CEP112: variants seen among roughly 807,000 people sequenced by gnomAD.
CEP112 encodes the protein centrosomal protein of 112 kDa.
CEP112 carries 127 observed loss-of-function variants against 153.0 expected under a neutral mutation model. That is an observed-to-expected ratio of 0.83 (90% CI 0.72 to 0.96). The LOEUF is 0.96. Among genes scored for constraint, CEP112 ranks in the 40% least tolerant of loss-of-function variants. The probability of loss-of-function intolerance (pLI) is 0.00; values close to 1 mark genes in which losing one functional copy is unlikely to be tolerated. For missense variants in CEP112, 1,089 were observed against 1,101.2 expected (o/e 0.99, Z 0.16); for synonymous variants, 358 against 374.4 (o/e 0.96, Z 0.51).
chr17:65,811,367 A>T (rs2055941989), intron 21 of CEP112, among the ~76,000 whole-genome samples: 1 of 152,226 alleles, frequency 6.6e-6, no homozygotes, highest in Non-Finnish European at 1.5e-5. Flanking sequence ...TAAGTCCCAC[A>T]GGGCAAAAAA....
At chr17:66,029,747 TTTAGA>T (rs59163946) in intron 13 of CEP112, 117 bp downstream of exon 13, 732,600 of 773,832 alleles carry the variant, frequency 0.95, 347,857 homozygotes, top group East Asian at 0.99. Context: ...AACAGCAGTA[TTTAGA>T]TTAGAAACTT....
At position 65,682,651 on chromosome 17, in the gene CEP112, CTTT is replaced by C. The variant is rs59116324; in HGVS notation, c.2697+6475_2697+6477del. 5.0e-3 allele frequency among the ~76,000 whole-genome samples: 765 copies of C among 152,152 alleles called. 20 individuals carry two copies. The East Asian group carries it at 0.077, about 15-fold the overall frequency. Reference sequence around the variant, plus strand: ...CTCAGTAACAAATGATCCCTCTTCCCTTTTTTTAATGGATGAAATGAACAAAAC... The same window carrying C: ...CTCAGTAACAAATGATCCCTCTTCCCTTTTAATGGATGAAATGAACAAAAC... On this transcript the variant is annotated intron_variant, in intron 24 of 26. Transcript: ENST00000535342.
intron 8 of CEP112, among the ~76,000 whole-genome samples, chr17:66,090,020 G>C (rs932065606): frequency 1.3e-5 from 2 of 152,094 alleles, no homozygotes; most frequent in Non-Finnish European, 2.9e-5. Context: ...GAAAAGAGTA[G>C]GATGATATAT....
At chr17:66,079,947 G>C (rs574134187) in intron 8 of CEP112, among the ~76,000 whole-genome samples, 25 of 152,114 alleles carry the variant, frequency 1.6e-4, no homozygotes, top group Non-Finnish European at 2.8e-4. Context: ...GGGAAAACTG[G>C]CTAGCCATAG....
intron 24 of CEP112, among the ~76,000 whole-genome samples, chr17:65,685,621 A>G (rs1598307702): frequency 6.6e-6 from 1 of 151,606 alleles, no homozygotes; most frequent in East Asian, 1.9e-4. Context: ...TCCTTAGTAA[A>G]CTCATATTTA....
intron 24 of CEP112, among the ~76,000 whole-genome samples, chr17:65,649,717 C>CAAA (rs3077085): frequency 0.023 from 2,630 of 114,430 alleles, 74 homozygotes; most frequent in Non-Finnish European, 0.031. Context: ...GACCCTGTCT[C>CAAA]AAAAAAAAAA....
chr17:65,955,850 A>G (rs951574442), intron 18 of CEP112, among the ~76,000 whole-genome samples: 2 of 152,174 alleles, frequency 1.3e-5, no homozygotes, highest in African/African-American at 4.8e-5. Context: ...CAAATGTATA[A>G]AACAATTACT....
intron 20 of CEP112, among the ~76,000 whole-genome samples, chr17:65,881,245 C>A (rs2059060538): frequency 6.6e-6 from 1 of 152,006 alleles, no homozygotes; most frequent in Non-Finnish European, 1.5e-5. Context: ...CCAAACAAAC[C>A]CCCACAAAAA....
intron 21 of CEP112, among the ~76,000 whole-genome samples, chr17:65,800,515 T>C (rs1397058510): frequency 6.6e-6 from 1 of 152,222 alleles, no homozygotes. Context: ...CATCAGTGAC[T>C]GGGAATTTGG....
At chr17:66,022,240 G>A (rs746528961) in intron 16 of CEP112, among the ~76,000 whole-genome samples, 4 of 151,906 alleles carry the variant, frequency 2.6e-5, no homozygotes, top group South Asian at 2.1e-4. Flanking sequence ...AGTTATATCC[G>A]CAAGAAAAAA....
chr17:66,134,012 T>G (rs1284529133), intron 4 of CEP112, among the ~76,000 whole-genome samples: 1 of 152,144 alleles, frequency 6.6e-6, no homozygotes. Context: ...AAGTTAATAT[T>G]TTGAGTATAA....
chr17:65,814,942 G>A (rs1485638578), intron 21 of CEP112, among the ~76,000 whole-genome samples: 2 of 151,852 alleles, frequency 1.3e-5, no homozygotes, highest in East Asian at 3.9e-4. Flanking sequence ...ACTTTTTCAG[G>A]TATATATTTT....
intron 11 of CEP112, among the ~76,000 whole-genome samples, chr17:66,062,288 TAAA>T (rs1422994835): frequency 6.6e-6 from 1 of 151,964 alleles, no homozygotes; most frequent in Non-Finnish European, 1.5e-5. Flanking sequence ...GACAATATAA[TAAA>T]AATGGACAAT....
At chr17:66,175,574 T>C (rs2072437220) in intron 3 of CEP112, among the ~76,000 whole-genome samples, 1 of 152,078 alleles carries the variant, frequency 6.6e-6, no homozygotes, top group African/African-American at 2.4e-5. Flanking sequence ...CACTAACTAC[T>C]TTACATACAC....
intron 17 of CEP112, among the ~76,000 whole-genome samples, chr17:66,002,806 T>C (rs1289478709): frequency 6.6e-6 from 1 of 152,320 alleles, no homozygotes; most frequent in African/African-American, 2.4e-5. Context: ...TAAACCCTTA[T>C]TCAATGAATG....
At chr17:65,721,775 C>T (rs1177245124) in intron 23 of CEP112, among the ~76,000 whole-genome samples, 1 of 152,016 alleles carries the variant, frequency 6.6e-6, no homozygotes, top group African/African-American at 2.4e-5. Context: ...AAAAAGATGC[C>T]TTTTCAAATA....
chr17:65,893,695 A>G (rs1046142978), intron 20 of CEP112, among the ~76,000 whole-genome samples: 4 of 152,128 alleles, frequency 2.6e-5, no homozygotes, highest in African/African-American at 9.7e-5. Context: ...AAATATTACA[A>G]TAGTTCGAAA....
chr17:65,838,100 TA>T (rs915397284), intron 21 of CEP112, among the ~76,000 whole-genome samples: 30 of 149,214 alleles, frequency 2.0e-4, no homozygotes, highest in East Asian at 3.9e-4. Context: ...CTAAAAAAAT[TA>T]AAAAAAAATA....
At chr17:66,036,479 C>T (rs563776984) in intron 12 of CEP112, among the ~76,000 whole-genome samples, 3 of 152,092 alleles carry the variant, frequency 2.0e-5, no homozygotes, top group Non-Finnish European at 4.4e-5. Flanking sequence ...GGACCACCGA[C>T]GTATTTTGAT....
Sources: gnomAD v4.1 joint callset for allele counts (sites outside exome capture counted in the v4.1 genomes callset) on GRCh38, gnomAD v4.1.1 for gene constraint, MANE v1.5 for transcripts, NCBI Gene and HGNC (gene_info 2026-07-23, HGNC 2026-07-21) for gene names.